Variants in APOB observed in about 807,000 individuals in gnomAD.
The protein encoded by APOB is apolipoprotein B.
APOB carries 153 observed loss-of-function variants against 314.1 expected under a neutral mutation model. The observed-to-expected ratio is 0.49, with a 90% CI of 0.43 to 0.56. The LOEUF (loss-of-function observed/expected upper bound fraction) is 0.56, where lower values mean the gene tolerates loss of function less well. Among genes scored for constraint, APOB ranks in the 20% least tolerant of loss-of-function variants. APOB has a pLI of 0.00. For synonymous variants in APOB, 2,087 were observed against 2,036.4 expected (o/e 1.02, Z -0.67); for missense variants, 5,430 against 5,350.7 (o/e 1.01, Z -0.46).
rs926914150 is a variant in APOB at position 21,018,788 on chromosome 2, T to A, written c.3121+204A>T. On this transcript the variant is annotated intron_variant, in intron 20 of 28. Coordinates refer to ENST00000233242, the MANE Select transcript of APOB (RefSeq NM_000384.3). ...ACTTCCATGAAGGCAGAGACTCCAT[T>A]GTTCACTGTTCTAGCCCCAGGTCTT... is the stretch of plus-strand genomic sequence containing the variant. 4.6e-5 allele frequency among the ~76,000 whole-genome samples: 7 copies of A among 152,348 alleles called. No homozygotes were observed. The South Asian group carries it at 1.5e-3, about 32-fold the overall frequency.
chr2:21,013,987 A>G (rs984958825), intron 24 of APOB, among the ~76,000 whole-genome samples: 3 of 152,236 alleles, frequency 2.0e-5, no homozygotes, highest in African/African-American at 7.2e-5. Context: ...AATTTGCTAA[A>G]CTGAATTGAG....
chr2:21,010,046 C>A lies in APOB; in HGVS notation c.6822G>T (p.Gln2274His). Residue 2274 changes from glutamine (Q) to histidine (H), a missense_variant, in exon 26 of 29, where the codon CAG becomes CAT. This residue lies in a region of APOB where 3,281 missense variants were observed against 3,171.0 expected (regional missense o/e 1.03). Transcript: ENST00000233242. Reference protein sequence around the residue: ...EKLQQLKRHIQNIDIQHLAGK... With the variant: ...EKLQQLKRHIHNIDIQHLAGK... ...CAGCTAGGTGCTGGATGTCTATATT[C>A]TGTATGTGTCTCTTAAGCTGCTGCA... 6.2e-7 allele frequency: 1 copy of A among 1,613,622 alleles called. No individual in the cohort carries two copies. Among genetic ancestry groups the A allele is most frequent in the Non-Finnish European group, 8.5e-7 (1 of 1,179,912 alleles).
intron 26 of APOB, among the ~76,000 whole-genome samples, 177 bp downstream of exon 26, chr2:21,004,903 C>A (rs569980184): frequency 6.6e-6 from 1 of 152,310 alleles, no homozygotes; most frequent in African/African-American, 2.4e-5. Context: ...TTGAATGACA[C>A]TAGATTTTCT....
In APOB at chr2:21,008,546, AT is replaced by A; in HGVS notation, c.8321del (p.Asn2774MetfsTer4). 1 of 1,614,106 alleles carries A rather than the reference AT, an allele frequency of 6.2e-7. No homozygotes were observed. The highest frequency in any genetic ancestry group is 8.5e-7 in the Non-Finnish European group (1 of 1,179,990). On this transcript the variant is annotated frameshift_variant, in exon 26 of 29. Transcript: ENST00000233242. LOFTEE classifies it high-confidence loss of function. The part of the protein sequence containing the change: ...IQSPLFTLDA[N>X]ADIGNGTTSA... ...AGGTGGTTCCATTCCCTATGTCAGC[AT>A]TTGCATCTAATGTGAAAAGAGGAGA...
intron 18 of APOB, 31 bp from the exon 19 acceptor site, chr2:21,019,936 G>T: frequency 6.2e-7 from 1 of 1,607,366 alleles, no homozygotes; most frequent in Non-Finnish European, 8.5e-7. Context: ...CTGAGTTATT[G>T]CCAAGTCATG....
intron 6 of APOB, 94 bp downstream of exon 6, chr2:21,037,006 G>C: frequency 6.6e-7 from 1 of 1,507,254 alleles, no homozygotes; most frequent in Admixed American, 1.8e-5. Flanking sequence ...AGGGCAGGCT[G>C]TCCTCAAAGG....
intron 4 of APOB, among the ~76,000 whole-genome samples, chr2:21,039,602 T>C (rs1209567138): frequency 6.6e-6 from 1 of 152,254 alleles, no homozygotes; most frequent in Non-Finnish European, 1.5e-5. Context: ...ATTACTCTGA[T>C]CTGATCACCA....
intron 15 of APOB, among the ~76,000 whole-genome samples, chr2:21,025,702 G>T (rs1663714685): frequency 6.6e-6 from 1 of 152,212 alleles, no homozygotes. Flanking sequence ...TGGAGCTCGT[G>T]CTCAACAGTG....
At chr2:21,014,721 T>C in intron 23 of APOB, 128 bp from the exon 24 acceptor site, 1 of 944,764 alleles carries the variant, frequency 1.1e-6, no homozygotes, top group Non-Finnish European at 1.6e-6. Flanking sequence ...AAGTTAAAAA[T>C]AAATAACAGA....
chr2:21,032,398 C>T lies in APOB; in HGVS notation c.1308G>A (p.Gln436=), dbSNP rs1309219373. ...GCGCATACAAGGTGGCTCGGCTGCG[C>T]TGATCCCTCGCCATGTTGAAGATCT... ...LREIFNMARD[Q]RSRATLYALS... The change falls in exon 10 of 29, where the codon CAG becomes CAA. Residue 436 remains glutamine (Q), a synonymous_variant. Transcript: ENST00000233242. 1 of 1,614,038 alleles carries T rather than the reference C, an allele frequency of 6.2e-7. No homozygotes were observed. The highest frequency in any genetic ancestry group is 1.1e-5 in the South Asian group (1 of 91,086).
chr2:21,004,659 T>A lies in APOB; in HGVS notation c.11805A>T (p.Lys3935Asn). The change falls in exon 27 of 29, where the codon AAA becomes AAT. Residue 3935 changes from lysine (K) to asparagine (N), a missense_variant. Physicochemically the swap from Lys to Asn is moderately conservative, Grantham distance 94. Around this residue, in one of 3 missense-constraint regions of APOB, gnomAD observed 3,281 missense variants for 3,171.0 expected, o/e 1.03. Transcript: ENST00000233242. ...EYELNVLGTH[K>N]IEDGTLASKT... ...TAGAGGCTAACGTACCATCTTCGAT[T>A]TTGTGTGTTCCCAAAACTGTATAGG... 6.2e-7 allele frequency: 1 copy of A among 1,613,654 alleles called. No individual in the cohort carries two copies. Among genetic ancestry groups the A allele is most frequent in the South Asian group, 1.1e-5 (1 of 91,072 alleles).
intron 18 of APOB, among the ~76,000 whole-genome samples, chr2:21,022,462 G>C (rs929774677): frequency 6.6e-6 from 1 of 151,810 alleles, no homozygotes; most frequent in East Asian, 1.9e-4. Flanking sequence ...TTTTTGGGGG[G>C]GAAAATATTA....
chr2:21,012,494 A>C lies in APOB; in HGVS notation c.4374T>G (p.Ser1458=). ...VSKGLLIFDA[S]SSWGPQMSAS... ...CAGACATCTGTGGTCCCCAGGAACT[A>C]GATGCATCGAATATTAGTAAACCTT... The change falls in exon 26 of 29, where the codon TCT becomes TCG. Residue 1458 remains serine (S), a synonymous_variant. Coordinates refer to ENST00000233242, the MANE Select transcript of APOB (RefSeq NM_000384.3). The C allele has an allele frequency of 1.2e-6, 2 of 1,614,200 alleles. No individual in the cohort carries two copies. Among genetic ancestry groups the C allele is most frequent in the Middle Eastern group, 1.6e-4 (1 of 6,062 alleles).
Position 21,010,845 on chromosome 2 carries a change from T to G in APOB, c.6023A>C (p.Glu2008Ala). The G allele has an allele frequency of 6.2e-7, 1 of 1,614,142 alleles. No individual in the cohort carries two copies. Among genetic ancestry groups the G allele is most frequent in the Non-Finnish European group, 8.5e-7 (1 of 1,180,006 alleles). The change falls in exon 26 of 29, where the codon GAG (glutamate) becomes GCG (alanine). Residue 2008 changes from glutamate to alanine, a missense_variant. Transcript: ENST00000233242. ...GTCAGCCAGAGTTCGTCCAGTAAGC[T>G]CCACGCCAATTTTATCTTTAGTGTT... is the stretch of plus-strand genomic sequence containing the variant. ...AYNTKDKIGV[E>A]LTGRTLADLT...
chr2:21,005,255 T>A lies in APOB; in HGVS notation c.11613A>T (p.Val3871=). The A allele has an allele frequency of 6.2e-7, 1 of 1,614,014 alleles. No individual in the cohort carries two copies. The change falls in exon 26 of 29, where the codon GTA becomes GTT. Residue 3871 remains valine, a synonymous_variant. Transcript: ENST00000233242. ...TIEIPSIKFS[V]PAGIVIPSFQ... ...AGGAAGGAATGACAATTCCAGCAGG[T>A]ACAGAGAACTTAATGGAGGGAATCT...
Position 21,027,844 on chromosome 2 carries a change from G to A in APOB, c.2051C>T (p.Ser684Leu). ...CACACTTACCTCGATGAGGTCAGCT[G>A]AAGCAAATCCAAAGGCAGTGAGGGT... is the stretch of plus-strand genomic sequence containing the variant. ...KTTLTAFGFASADLIEIGLEG... is the reference protein window; with the variant it reads ...KTTLTAFGFALADLIEIGLEG... Residue 684 changes from serine to leucine, a missense_variant, in exon 14 of 29, where the codon TCA (serine) becomes TTA (leucine). Around this residue, in one of 3 missense-constraint regions of APOB, gnomAD observed 2,085 missense variants for 2,079.7 expected, o/e 1.00. Transcript: ENST00000233242. 1 of 1,613,606 alleles carries A rather than the reference G, an allele frequency of 6.2e-7. No homozygotes were observed. Among genetic ancestry groups the A allele is most frequent in the Non-Finnish European group, 8.5e-7 (1 of 1,179,514 alleles).
At chr2:21,028,095 A>G (rs774682779) in intron 13 of APOB, 30 bp from the exon 14 acceptor site, 12 of 1,465,052 alleles carry the variant, frequency 8.2e-6, no homozygotes, top group Non-Finnish European at 1.1e-5. Flanking sequence ...TTTTGAGCTG[A>G]CACACCATGT....
chr2:21,004,625 C>T lies in APOB; in HGVS notation c.11839G>A (p.Gly3947Arg). The change falls in exon 27 of 29, where the codon GGA becomes AGA. Residue 3947 changes from glycine (G) to arginine (R), a missense_variant. Physicochemically the swap from Gly to Arg is moderately radical, Grantham distance 125. Coordinates refer to ENST00000233242, the MANE Select transcript of APOB (RefSeq NM_000384.3). ...EDGTLASKTK[G>R]TFAHRDFSAE... The stretch of plus-strand genomic sequence containing the variant: ...CTGAAGTCACGGTGTGCAAATGTTC[C>T]TTTAGTCTTAGAGGCTAACGTACCA... 6.2e-7 allele frequency: 1 copy of T among 1,613,926 alleles called. No homozygotes were observed.
Position 21,003,175 on chromosome 2 carries a change from C to T in APOB, c.12247G>A (p.Asp4083Asn), listed in dbSNP as rs762211836. The change falls in exon 29 of 29, where the codon GAT (aspartate) becomes AAT (asparagine). Residue 4083 changes from aspartate (D) to asparagine (N), a missense_variant. By Grantham distance (23) the Asp-to-Asn change is conservative (BLOSUM62 1). Transcript: ENST00000233242. ...NVPKATGVLYDYVNKYHWEHT... is the reference protein window; with the variant it reads ...NVPKATGVLYNYVNKYHWEHT... ...TCCCAGTGGTACTTGTTGACATAATCATAAAGGACCCCTGTGGCCTTGGGC... is the reference window on the plus strand; with the variant it reads ...TCCCAGTGGTACTTGTTGACATAATTATAAAGGACCCCTGTGGCCTTGGGC... 8.7e-6 allele frequency: 14 copies of T among 1,613,866 alleles called. No homozygotes were observed. The South Asian group carries it at 1.4e-4, about 16-fold the overall frequency.
Sources: gnomAD v4.1 joint callset for allele counts (sites outside exome capture counted in the v4.1 genomes callset) on GRCh38, gnomAD v4.1.1 for gene constraint, gnomAD v4.1.1 regional missense constraint, MANE v1.5 for transcripts, NCBI Gene and HGNC (gene_info 2026-07-23, HGNC 2026-07-21) for gene names.